KATNBL1: variants seen among roughly 807,000 people sequenced by gnomAD.
The protein encoded by KATNBL1 is katanin regulatory subunit B1 like 1, also known as KATNB1-like protein 1.
In KATNBL1, 28 loss-of-function variants were observed where a neutral mutation model predicts 44.7. That is an observed-to-expected ratio of 0.63 (90% CI 0.46 to 0.86). The LOEUF (loss-of-function observed/expected upper bound fraction) is 0.86, where lower values mean the gene tolerates loss of function less well. Among genes scored for constraint, KATNBL1 ranks in the 40% least tolerant of loss-of-function variants. KATNBL1 has a pLI of 0.00. For missense variants in KATNBL1, 272 were observed against 350.7 expected, an observed-to-expected ratio of 0.78 and a Z score of 1.79; for synonymous variants, 78 against 114.9, an observed-to-expected ratio of 0.68 and a Z score of 2.06.
chr15:34,157,565 TC>T (rs1322646873), intron 2 of KATNBL1, among the ~76,000 whole-genome samples: 1 of 152,164 alleles, frequency 6.6e-6, no homozygotes, highest in African/African-American at 2.4e-5. Context: ...GAGAAACTGA[TC>T]TTTTGTTTCG....
At chr15:34,185,373 T>C (rs1030046685) in intron 1 of KATNBL1, among the ~76,000 whole-genome samples, 2 of 152,224 alleles carry the variant, frequency 1.3e-5, no homozygotes, top group Non-Finnish European at 2.9e-5. Context: ...CTACAAATAA[T>C]TGAAGGCCTA....
intron 1 of KATNBL1, among the ~76,000 whole-genome samples, chr15:34,171,228 C>G (rs1394449426): frequency 6.6e-6 from 1 of 152,106 alleles, no homozygotes; most frequent in Non-Finnish European, 1.5e-5. Context: ...AGAACTTAAA[C>G]AAATTGTCAA....
At chr15:34,146,992 C>A in intron 7 of KATNBL1, 142 bp from the exon 8 acceptor site, 1 of 652,182 alleles carries the variant, frequency 1.5e-6, no homozygotes, top group Non-Finnish European at 2.7e-6. Flanking sequence ...TGATCTATTA[C>A]ACAAAAGTAT....
At chr15:34,201,711 G>GA in intron 1 of KATNBL1, among the ~76,000 whole-genome samples, 1 of 152,126 alleles carries the variant, frequency 6.6e-6, no homozygotes, top group East Asian at 1.9e-4. Context: ...CAACAGGGAG[G>GA]AAAAAATACT....
chr15:34,184,175 G>A (rs992207477), intron 1 of KATNBL1, among the ~76,000 whole-genome samples: 4 of 152,018 alleles, frequency 2.6e-5, no homozygotes, highest in Admixed American at 6.6e-5. Flanking sequence ...GCGTGGTGGC[G>A]GGCGCCTGTA....
chr15:34,171,875 G>A (rs1889172079), intron 1 of KATNBL1, among the ~76,000 whole-genome samples: 2 of 147,272 alleles, frequency 1.4e-5, no homozygotes, highest in East Asian at 2.1e-4. Flanking sequence ...TCACAGGTGG[G>A]AACTGAACAA....
intron 1 of KATNBL1, among the ~76,000 whole-genome samples, chr15:34,194,907 T>C (rs1889989882): frequency 6.6e-6 from 1 of 152,136 alleles, no homozygotes; most frequent in Non-Finnish European, 1.5e-5. Context: ...TGAAATATCA[T>C]CTTACACCAA....
At chr15:34,171,735 A>T (rs1018920511) in intron 1 of KATNBL1, among the ~76,000 whole-genome samples, 5 of 152,210 alleles carry the variant, frequency 3.3e-5, no homozygotes, top group African/African-American at 1.2e-4. Flanking sequence ...GCACATATAT[A>T]TCATGGAATA....
chr15:34,176,185 G>A (rs908400361), intron 1 of KATNBL1, among the ~76,000 whole-genome samples: 3 of 152,028 alleles, frequency 2.0e-5, no homozygotes, highest in African/African-American at 4.8e-5. Context: ...AACCAGCCTG[G>A]CCAACATGGT....
chr15:34,158,045 G>A (rs77649369), intron 2 of KATNBL1, among the ~76,000 whole-genome samples: 9,596 of 152,256 alleles, frequency 0.063, 364 homozygotes, highest in Middle Eastern at 0.1. Flanking sequence ...GCATCTTGGC[G>A]TAATCAACTT....
chr15:34,191,112 A>T (rs1889858413), intron 1 of KATNBL1, among the ~76,000 whole-genome samples: 1 of 149,316 alleles, frequency 6.7e-6, no homozygotes, highest in Non-Finnish European at 1.5e-5. Flanking sequence ...TATTTCTGTC[A>T]CTATAGTTTG....
chr15:34,187,205 C>T (rs533005803), intron 1 of KATNBL1, among the ~76,000 whole-genome samples: 1 of 152,348 alleles, frequency 6.6e-6, no homozygotes, highest in South Asian at 2.1e-4. Context: ...GCCCTATCTG[C>T]TGAGCGCTTC....
rs1201268078 is a variant in KATNBL1, at chr15:34,188,137, T to TA, written c.-15+21813dup. 4.9e-3 allele frequency among the ~76,000 whole-genome samples: 109 copies of TA among 22,094 alleles called. 11 individuals carry two copies. Among genetic ancestry groups the TA allele is most frequent in the South Asian group, 0.024 (7 of 290 alleles). 14.5% of individuals were successfully genotyped at this position (22,094 alleles called of 152,430 possible). On this transcript the variant is annotated intron_variant, in intron 1 of 9. Coordinates refer to ENST00000256544, the MANE Select transcript of KATNBL1 (RefSeq NM_024713.3). Reference sequence around the variant, plus strand: ...CTGGGTGACAGAGGAAGACGCCATGTAAAAAAAAAAAAAAAAAAAAAAAAA... The same window carrying TA: ...CTGGGTGACAGAGGAAGACGCCATGTAAAAAAAAAAAAAAAAAAAAAAAAAA...
rs1361428652 is a variant in KATNBL1, at chr15:34,171,941, T to TG, written c.-14-8252dup. Among the ~76,000 whole-genome samples, 11 of 88,246 alleles carry TG rather than the reference T, an allele frequency of 1.2e-4. No individual in the cohort carries two copies. In the Admixed American group the frequency reaches 1.4e-3, roughly 11 times the overall value. The allele number at this position is 88,246 out of a possible 152,430, so 57.9% of individuals were successfully genotyped here. A position where few individuals can be genotyped will look rare whatever the true frequency, so the allele number is the denominator to read the frequency against. On this transcript the variant is annotated intron_variant, in intron 1 of 9. Transcript: ENST00000256544. ...TCACACACCAGGGCCTGTCATGGGG[T>TG]GGGGGGTGGGGGAGGGACAGCATTA...
chr15:34,168,671 T>C (rs144153279), intron 1 of KATNBL1, among the ~76,000 whole-genome samples: 10,360 of 152,186 alleles, frequency 0.068, 393 homozygotes, highest in Middle Eastern at 0.1. Context: ...TATTCCAAAA[T>C]TGACCACATA....
chr15:34,186,201 C>T (rs1034576246), intron 1 of KATNBL1, among the ~76,000 whole-genome samples: 1 of 152,188 alleles, frequency 6.6e-6, no homozygotes, highest in Non-Finnish European at 1.5e-5. Context: ...AGTGACCACA[C>T]TGATGACAGT....
intron 1 of KATNBL1, among the ~76,000 whole-genome samples, chr15:34,171,105 A>T (rs1889144625): frequency 6.6e-6 from 1 of 152,212 alleles, no homozygotes; most frequent in Non-Finnish European, 1.5e-5. Flanking sequence ...TAAACTAAAG[A>T]GCTTCTGCAC....
At chr15:34,204,921 T>C (rs777716793) in intron 1 of KATNBL1, among the ~76,000 whole-genome samples, 1 of 151,988 alleles carries the variant, frequency 6.6e-6, no homozygotes, top group African/African-American at 2.4e-5. Flanking sequence ...ATACGAATTA[T>C]ATGTGAAAAA....
rs926503524 is a variant in KATNBL1 at position 34,178,601 on chromosome 15, C to A, written c.-14-14911G>T. On this transcript the variant is annotated intron_variant, in intron 1 of 9. Transcript: ENST00000256544. ...TGAAACCCTGTCTCTACTAAAAATA[C>A]AAAAATTAGCCAGGTGTGGTGGTGG... Among the ~76,000 whole-genome samples the A allele has an allele frequency of 7.9e-5, 12 of 151,824 alleles. 1 individual carries two copies.
Sources: gnomAD v4.1 joint callset for allele counts (sites outside exome capture counted in the v4.1 genomes callset) on GRCh38, gnomAD v4.1.1 for gene constraint, MANE v1.5 for transcripts, NCBI Gene and HGNC (gene_info 2026-07-23, HGNC 2026-07-21) for gene names.